The following POC1B variants were observed in gnomAD, a reference collection of about 807,000 sequenced individuals.
POC1B encodes the protein POC1 centriolar protein homolog B.
In POC1B, 44 loss-of-function variants were observed where a neutral mutation model predicts 60.6. The observed-to-expected ratio is 0.73, with a 90% CI of 0.57 to 0.93. POC1B has a LOEUF of 0.93. POC1B is among the 40% of genes least tolerant of loss of function. The pLI, the probability that POC1B is intolerant of heterozygous loss-of-function variation, is 0.00. For synonymous variants in POC1B, 180 were observed against 198.9 expected (o/e 0.90, Z 0.80); for missense variants, 555 against 572.3 (o/e 0.97, Z 0.31).
intron 2 of POC1B, among the ~76,000 whole-genome samples, chr12:89,499,265 C>T (rs1391017276): frequency 1.3e-5 from 2 of 152,106 alleles, no homozygotes; most frequent in Admixed American, 1.3e-4. Context: ...AAACCAAATA[C>T]CGTATGTTCT....
At chr12:89,496,935 A>G in intron 3 of POC1B, 2 of 457,762 alleles carry the variant, frequency 4.4e-6, no homozygotes, top group Non-Finnish European at 7.9e-6. Context: ...CTACTCCCTC[A>G]AAAAAACTTA....
chr12:89,405,568 A>G, the POC1B span, among the ~76,000 whole-genome samples: 5 of 152,228 alleles, frequency 3.3e-5, no homozygotes, highest in Admixed American at 6.5e-5. Flanking sequence ...TCTGAAAAAA[A>G]GTAAATATTC....
rs758056489 is a variant in POC1B, at chr12:89,470,344, A to C, written c.810+17T>G. ...TATATTTTTATATATAAAAAGCAAG[A>C]ATCTGAGTGTTAATACCGTATGTCC... On this transcript the variant is annotated intron_variant, in intron 7 of 11. Coordinates refer to ENST00000313546, the MANE Select transcript of POC1B (RefSeq NM_172240.3). The C allele has an allele frequency of 3.0e-6, 4 of 1,315,728 alleles. No individual in the cohort carries two copies. The South Asian group carries it at 9.8e-5, about 32-fold the overall frequency. 81.5% of individuals were successfully genotyped at this position (1,315,728 alleles called of 1,614,324 possible).
intron 2 of POC1B, among the ~76,000 whole-genome samples, chr12:89,505,142 G>A (rs544503449): frequency 2.6e-4 from 39 of 152,178 alleles, no homozygotes; most frequent in Admixed American, 5.2e-4. Flanking sequence ...TGAGATATCC[G>A]TGCACACTCA....
At chr12:89,524,983 G>T in intron 2 of POC1B, 137 bp downstream of exon 2, 1 of 1,331,148 alleles carries the variant, frequency 7.5e-7, no homozygotes, top group Admixed American at 2.3e-5. Context: ...GCCGCGCTGG[G>T]CCCTCGTCTC....
intron 2 of POC1B, among the ~76,000 whole-genome samples, chr12:89,503,305 C>G (rs1869690285): frequency 6.6e-6 from 1 of 152,230 alleles, no homozygotes; most frequent in Admixed American, 6.5e-5. Flanking sequence ...TTGGTGGAGA[C>G]GGGGTTTCGC....
chr12:89,497,076 CAGTGCAGGCAGCAG>C, intron 3 of POC1B, 81 bp downstream of exon 3: 1 of 1,235,982 alleles, frequency 8.1e-7, no homozygotes. Context: ...CTGAGAATAA[CAGTGCAGGCAGCAG>C]TGCATGAGCA....
chr12:89,467,208 C>G (rs1882717649), intron 8 of POC1B, among the ~76,000 whole-genome samples: 1 of 151,864 alleles, frequency 6.6e-6, no homozygotes, highest in Non-Finnish European at 1.5e-5. Flanking sequence ...ATGTTTTGGA[C>G]TGGTCATTCA....
Position 89,425,155 on chromosome 12 carries a change from G to A in POC1B, c.1332+6C>T. On this transcript the variant is annotated splice_donor_region_variant and intron_variant, in intron 11 of 11. Coordinates refer to ENST00000313546, the MANE Select transcript of POC1B (RefSeq NM_172240.3). ...GTGCAACTCATGCAACCTGTGTCAT[G>A]CCCACCTGTGTCAAAACATTGAGTT... 1.2e-6 allele frequency: 2 copies of A among 1,613,600 alleles called. No individual in the cohort carries two copies. The highest frequency in any genetic ancestry group is 1.1e-5 in the South Asian group (1 of 91,046).
intron 10 of POC1B, chr12:89,426,446 T>C (rs865875251): frequency 6.6e-6 from 1 of 152,204 alleles, no homozygotes; most frequent in Admixed American, 6.5e-5. Flanking sequence ...GTCCTCCATA[T>C]GGCAATGAAC....
At chr12:89,508,734 T>C (rs1313637391) in intron 2 of POC1B, among the ~76,000 whole-genome samples, 1 of 152,172 alleles carries the variant, frequency 6.6e-6, no homozygotes, top group Non-Finnish European at 1.5e-5. Flanking sequence ...GATTAGATCA[T>C]GGGGGCTGTT....
At chr12:89,448,867 G>C (rs920319218) in intron 10 of POC1B, among the ~76,000 whole-genome samples, 2 of 152,154 alleles carry the variant, frequency 1.3e-5, no homozygotes, top group African/African-American at 2.4e-5. Context: ...AGTAGGAATA[G>C]GCAATGCTTA....
At chr12:89,402,083 C>T in the POC1B span, among the ~76,000 whole-genome samples, 3 of 152,106 alleles carry the variant, frequency 2.0e-5, no homozygotes, top group Non-Finnish European at 2.9e-5. Flanking sequence ...TGGAAGTGGC[C>T]GGTGCCTGTT....
chr12:89,472,064 G>T (rs778159064), intron 5 of POC1B, 104 bp downstream of exon 5: 2 of 831,464 alleles, frequency 2.4e-6, no homozygotes, highest in African/African-American at 3.5e-5. Flanking sequence ...CACTGCACCC[G>T]GCCATATTTC....
chr12:89,434,620 A>G (rs1301140087), intron 10 of POC1B, among the ~76,000 whole-genome samples: 1 of 152,220 alleles, frequency 6.6e-6, no homozygotes, highest in Non-Finnish European at 1.5e-5. Flanking sequence ...AATTAATGAT[A>G]CTCCAAATGA....
intron 3 of POC1B, 44 bp from the exon 4 acceptor site, chr12:89,492,159 T>A: frequency 1.5e-6 from 2 of 1,359,896 alleles, no homozygotes; most frequent in Non-Finnish European, 2.0e-6. Flanking sequence ...TTGATTTAAT[T>A]ATAGTTAATA....
At chr12:89,516,975 C>T (rs1439866124) in intron 2 of POC1B, among the ~76,000 whole-genome samples, 1 of 152,154 alleles carries the variant, frequency 6.6e-6, no homozygotes, top group Non-Finnish European at 1.5e-5. Flanking sequence ...TGTAGACTTA[C>T]ATCTACAAAG....
rs139605774 is a variant in POC1B, at chr12:89,505,503, A to C, written c.101-8161T>G. Among the ~76,000 whole-genome samples the C allele has an allele frequency of 7.2e-5, 11 of 152,336 alleles. No individual in the cohort carries two copies. In the East Asian group the frequency reaches 2.1e-3, roughly 29 times the overall value. ...TTAAATTTTACTTATATGAAGTTTA[A>C]GAAGAAGCAAAATTAACCTATGAAG... On this transcript the variant is annotated intron_variant, in intron 2 of 11. Transcript: ENST00000313546.
intron 2 of POC1B, 144 bp from the exon 3 acceptor site, chr12:89,497,486 A>C: frequency 1.3e-6 from 1 of 761,788 alleles, no homozygotes; most frequent in Non-Finnish European, 2.1e-6. Flanking sequence ...GTAATAGCCA[A>C]ATTACTTTTT....
Sources: allele counts gnomAD v4.1 joint callset (sites outside exome capture counted in the v4.1 genomes callset), GRCh38; gene constraint gnomAD v4.1.1; transcripts MANE v1.5; gene names NCBI Gene and HGNC (gene_info 2026-07-23, HGNC 2026-07-21).